Variants in YES1 observed in about 807,000 individuals in gnomAD.
The protein encoded by YES1 is YES proto-oncogene 1, Src family tyrosine kinase.
YES1 carries 39 observed loss-of-function variants against 70.4 expected under a neutral mutation model. The ratio of observed to expected loss-of-function variants is 0.55; its 90% CI spans 0.43 to 0.72. The LOEUF is 0.72. YES1 is among the 30% of genes least tolerant of loss of function. The pLI is 0.00. For synonymous variants in YES1, 198 were observed against 218.6 expected (o/e 0.91, Z 0.83); for missense variants, 495 against 644.8 (o/e 0.77, Z 2.52).
rs375578373 is a variant in YES1, at chr18:756,576, T to C, written c.252A>G (p.Ser84=). Residue 84 remains serine, a synonymous_variant, in exon 2 of 12, where the codon TCA becomes TCG. Transcript: ENST00000314574. ...ASSSFSVVPS[S]YPAGLTGGVT... ...TCTCACCTGTTAAACCAGCAGGATA[T>C]GAACTTGGCACCACTGAAAATGAGG... The C allele has an allele frequency of 1.2e-6, 2 of 1,614,082 alleles. No homozygotes were observed. The highest frequency in any genetic ancestry group is 2.2e-5 in the East Asian group (1 of 44,898).
intron 1 of YES1, among the ~76,000 whole-genome samples, chr18:775,637 A>G (rs963464817): frequency 1.3e-5 from 2 of 151,976 alleles, no homozygotes; most frequent in African/African-American, 4.8e-5. Flanking sequence ...TCTCTACAAA[A>G]AGTAAAAAAA....
chr18:791,955 GGT>G (rs530427142), intron 1 of YES1, among the ~76,000 whole-genome samples: 100 of 151,924 alleles, frequency 6.6e-4, no homozygotes, highest in African/African-American at 2.3e-3. Flanking sequence ...CTCGAAATCG[GGT>G]GTGTATTTTA....
chr18:782,883 C>T (rs917495552), intron 1 of YES1, among the ~76,000 whole-genome samples: 2 of 152,118 alleles, frequency 1.3e-5, no homozygotes, highest in Non-Finnish European at 2.9e-5. Flanking sequence ...TTAGTAGAGA[C>T]AGGGTTTCGC....
intron 1 of YES1, among the ~76,000 whole-genome samples, chr18:770,089 A>G (rs1056236963): frequency 6.6e-6 from 1 of 151,698 alleles, no homozygotes; most frequent in African/African-American, 2.4e-5. Flanking sequence ...CCTCCCAAGT[A>G]GCTGGCAGTA....
At chr18:733,550 G>A (rs550593689) in intron 10 of YES1, among the ~76,000 whole-genome samples, 2 of 151,816 alleles carry the variant, frequency 1.3e-5, no homozygotes, top group African/African-American at 2.4e-5. Flanking sequence ...TTGGGAGGCC[G>A]AGGTGAGTGG....
chr18:739,681 C>A, intron 9 of YES1, 54 bp downstream of exon 9: 1 of 1,358,282 alleles, frequency 7.4e-7, no homozygotes, highest in Non-Finnish European at 1.0e-6. Flanking sequence ...AAGATTATTC[C>A]ACATTTTAAT....
intron 1 of YES1, among the ~76,000 whole-genome samples, chr18:765,684 C>A (rs929808824): frequency 5.9e-4 from 90 of 152,258 alleles, no homozygotes; most frequent in African/African-American, 2.1e-3. Context: ...AGGCGTGAGC[C>A]ACCGCACCCG....
intron 1 of YES1, among the ~76,000 whole-genome samples, chr18:794,798 C>T (rs528403136): frequency 6.6e-6 from 1 of 152,176 alleles, no homozygotes; most frequent in African/African-American, 2.4e-5. Flanking sequence ...TCTGTCTTCA[C>T]ATGTGGGTTT....
chr18:738,828 C>T (rs888563386), intron 9 of YES1: 1 of 151,464 alleles, frequency 6.6e-6, no homozygotes, highest in African/African-American at 2.4e-5. Context: ...TTTGTGGAAA[C>T]ATCTATTTTC....
At chr18:751,827 A>T (rs1275084101) in intron 2 of YES1, 23 bp from the exon 3 acceptor site, 1 of 1,354,742 alleles carries the variant, frequency 7.4e-7, no homozygotes, top group Non-Finnish European at 1.0e-6. Context: ...AAAAAGACCA[A>T]GGTAAATTAT....
chr18:783,837 C>T (rs1008801960), intron 1 of YES1, among the ~76,000 whole-genome samples: 1 of 152,156 alleles, frequency 6.6e-6, no homozygotes, highest in Admixed American at 6.5e-5. Context: ...TAGTCTTGAA[C>T]GCCTGACATC....
intron 4 of YES1, among the ~76,000 whole-genome samples, chr18:746,325 A>T (rs1380790430): frequency 6.6e-6 from 1 of 152,192 alleles, no homozygotes; most frequent in Non-Finnish European, 1.5e-5. Flanking sequence ...TAGAGAGGGA[A>T]AGGCAGCAAA....
At chr18:781,623 C>G (rs1282907354) in intron 1 of YES1, among the ~76,000 whole-genome samples, 4 of 152,188 alleles carry the variant, frequency 2.6e-5, no homozygotes, top group Non-Finnish European at 5.9e-5. Context: ...TGGCTCATAG[C>G]TGATGCCCAA....
chr18:749,840 C>A (rs997371977), intron 3 of YES1, among the ~76,000 whole-genome samples: 3 of 136,350 alleles, frequency 2.2e-5, no homozygotes, highest in African/African-American at 2.8e-5. Flanking sequence ...AGCCTGGCGA[C>A]AGAGCAAGAC....
chr18:806,026 T>A (rs973024120), intron 1 of YES1, among the ~76,000 whole-genome samples: 1 of 152,150 alleles, frequency 6.6e-6, no homozygotes, highest in Non-Finnish European at 1.5e-5. Context: ...TGTTCCGTCC[T>A]CACCCCCAAT....
chr18:782,912 C>T (rs1426350393), intron 1 of YES1, among the ~76,000 whole-genome samples: 2 of 152,160 alleles, frequency 1.3e-5, no homozygotes, highest in Admixed American at 1.3e-4. Context: ...CCACTCCTAA[C>T]CTGAAGTGAT....
Position 742,912 on chromosome 18 carries a change from A to G in YES1, c.1060+6T>C, listed in dbSNP as rs1483218400. 6.3e-7 allele frequency: 1 copy of G among 1,580,264 alleles called. No individual in the cohort carries two copies. On this transcript the variant is annotated splice_donor_region_variant and intron_variant, in intron 8 of 11. Coordinates refer to ENST00000314574, the MANE Select transcript of YES1 (RefSeq NM_005433.4). ...CACAAATACCTAAGGAGATACTAAT[A>G]CATACCTTTTGACATAAATTCAGTG...
chr18:760,636 T>C (rs1457619364), intron 1 of YES1, among the ~76,000 whole-genome samples: 1 of 152,180 alleles, frequency 6.6e-6, no homozygotes, highest in African/African-American at 2.4e-5. Flanking sequence ...CAATTTCCCA[T>C]GGATCTTGAG....
intron 8 of YES1, 45 bp from the exon 9 acceptor site, chr18:739,856 T>A: frequency 6.8e-7 from 1 of 1,473,202 alleles, no homozygotes; most frequent in Non-Finnish European, 9.4e-7. Flanking sequence ...GCAAATCTTA[T>A]ATTAGGATTG....
Sources: allele counts gnomAD v4.1 joint callset (sites outside exome capture counted in the v4.1 genomes callset), GRCh38; gene constraint gnomAD v4.1.1; transcripts MANE v1.5; gene names NCBI Gene and HGNC (gene_info 2026-07-23, HGNC 2026-07-21).